GRID2: variants seen among roughly 807,000 people sequenced by gnomAD.
GRID2 encodes glutamate receptor ionotropic, delta-2.
Under a neutral mutation model 114.8 loss-of-function variants are expected in GRID2, and 33 were observed. The ratio of observed to expected loss-of-function variants is 0.29; its 90% CI spans 0.22 to 0.38. The LOEUF is 0.38. Among genes scored for constraint, GRID2 ranks in the 10% least tolerant of loss-of-function variants. The probability of loss-of-function intolerance (pLI) is 1.00; values close to 1 mark genes in which losing one functional copy is unlikely to be tolerated. For synonymous variants in GRID2, 505 were observed against 449.9 expected, an observed-to-expected ratio of 1.12 and a Z score of -1.55; for missense variants, 1,184 against 1,257.7, an observed-to-expected ratio of 0.94 and a Z score of 0.89.
chr4:93,249,221 A>G (rs1157702625), intron 8 of GRID2, among the ~76,000 whole-genome samples: 2 of 152,016 alleles, frequency 1.3e-5, no homozygotes, highest in South Asian at 2.1e-4. Flanking sequence ...GTTCTGTTCA[A>G]TTGGTCTATA....
intron 2 of GRID2, among the ~76,000 whole-genome samples, chr4:92,619,998 T>C (rs564497492): frequency 1.1e-4 from 16 of 151,786 alleles, no homozygotes; most frequent in Non-Finnish European, 2.2e-4. Context: ...ATAGGCAATA[T>C]ATGAAATTTA....
chr4:92,496,735 ATGT>A, intron 1 of GRID2, among the ~76,000 whole-genome samples: 1 of 151,838 alleles, frequency 6.6e-6, no homozygotes, highest in South Asian at 2.1e-4. Context: ...ATGAAAATGA[ATGT>A]TGTTAATACT....
intron 2 of GRID2, among the ~76,000 whole-genome samples, chr4:92,930,707 A>G (rs1353691062): frequency 1.3e-5 from 2 of 150,884 alleles, no homozygotes; most frequent in East Asian, 3.9e-4. Flanking sequence ...ATGTGTTGAA[A>G]GAAAAGTCCT....
At chr4:92,883,537 C>T (rs1483245204) in intron 2 of GRID2, among the ~76,000 whole-genome samples, 2 of 152,180 alleles carry the variant, frequency 1.3e-5, no homozygotes. Context: ...AGAGGAATCA[C>T]TGTCTATGGT....
chr4:93,006,886 AAAGT>A (rs1721593236), intron 2 of GRID2, among the ~76,000 whole-genome samples: 1 of 151,952 alleles, frequency 6.6e-6, no homozygotes, highest in African/African-American at 2.4e-5. Context: ...CTTCCTTCCA[AAAGT>A]AAGTAAAAAA....
chr4:92,364,676 GA>G (rs1486722164), intron 1 of GRID2, among the ~76,000 whole-genome samples: 1 of 151,970 alleles, frequency 6.6e-6, no homozygotes, highest in Non-Finnish European at 1.5e-5. Flanking sequence ...AGCAGAAGTA[GA>G]GAGTAGTTTT....
At chr4:93,342,196 C>T (rs1218212472) in intron 8 of GRID2, among the ~76,000 whole-genome samples, 1 of 152,178 alleles carries the variant, frequency 6.6e-6, no homozygotes, top group African/African-American at 2.4e-5. Context: ...CCATGTAAGT[C>T]CAACACCTAT....
At chr4:93,399,798 G>A (rs1765703838) in intron 9 of GRID2, among the ~76,000 whole-genome samples, 1 of 152,048 alleles carries the variant, frequency 6.6e-6, no homozygotes, top group Non-Finnish European at 1.5e-5. Flanking sequence ...CCAACCAGAA[G>A]TCAGAGGTTA....
At chr4:92,498,249 A>G (rs983200446) in intron 1 of GRID2, among the ~76,000 whole-genome samples, 1 of 151,908 alleles carries the variant, frequency 6.6e-6, no homozygotes, top group Admixed American at 6.6e-5. Flanking sequence ...TTCAAGAGTT[A>G]GCATTAGTAA....
intron 5 of GRID2, among the ~76,000 whole-genome samples, chr4:93,207,971 T>C (rs1418820441): frequency 6.6e-6 from 1 of 151,980 alleles, no homozygotes; most frequent in African/African-American, 2.4e-5. Context: ...CTTTTGATTT[T>C]TGCAAAGATA....
chr4:93,282,008 A>G (rs1031922617), intron 8 of GRID2, among the ~76,000 whole-genome samples: 2 of 152,032 alleles, frequency 1.3e-5, no homozygotes, highest in African/African-American at 4.8e-5. Context: ...AGAACAAAAT[A>G]TATTCTTGTA....
At chr4:92,861,352 A>G (rs1404484427) in intron 2 of GRID2, among the ~76,000 whole-genome samples, 1 of 152,142 alleles carries the variant, frequency 6.6e-6, no homozygotes, top group Admixed American at 6.5e-5. Flanking sequence ...TCATAGGAGT[A>G]AAATCTATCA....
intron 8 of GRID2, among the ~76,000 whole-genome samples, chr4:93,395,316 T>C (rs372239441): frequency 3.9e-5 from 6 of 152,002 alleles, no homozygotes; most frequent in African/African-American, 1.4e-4. Flanking sequence ...TTCCAATTAG[T>C]ACATTACTGG....
At chr4:92,831,087 G>T (rs550320487) in intron 2 of GRID2, among the ~76,000 whole-genome samples, 1 of 152,144 alleles carries the variant, frequency 6.6e-6, no homozygotes, top group South Asian at 2.1e-4. Flanking sequence ...GAAGGAGAGA[G>T]CCAGTTTTTA....
At chr4:92,606,833 C>T (rs1274194429) in intron 2 of GRID2, among the ~76,000 whole-genome samples, 1 of 152,022 alleles carries the variant, frequency 6.6e-6, no homozygotes, top group Non-Finnish European at 1.5e-5. Context: ...GAAAGTGTTA[C>T]ATCTTTGATT....
chr4:92,881,709 G>A (rs927429894), intron 2 of GRID2, among the ~76,000 whole-genome samples: 2 of 152,034 alleles, frequency 1.3e-5, no homozygotes, highest in African/African-American at 2.4e-5. Flanking sequence ...TACTTTTTAG[G>A]TATTGTTTTT....
intron 1 of GRID2, among the ~76,000 whole-genome samples, chr4:92,411,655 G>GTGTGTGTGTGTATATATATATATATA: frequency 8.3e-5 from 7 of 84,694 alleles, no homozygotes; most frequent in African/African-American, 2.9e-4. Context: ...GTGTGTGTGT[G>GTGTGTGTGTGTATATATATATATATA]TATATATATA....
chr4:93,045,497 T>C (rs1394969190), intron 2 of GRID2, among the ~76,000 whole-genome samples: 1 of 152,164 alleles, frequency 6.6e-6, no homozygotes, highest in African/African-American at 2.4e-5. Context: ...TTAGATATTA[T>C]AGAAGTTTTT....
At chr4:92,735,971 A>C (rs888944558) in intron 2 of GRID2, among the ~76,000 whole-genome samples, 1 of 152,112 alleles carries the variant, frequency 6.6e-6, no homozygotes, top group Non-Finnish European at 1.5e-5. Flanking sequence ...AGAAAGGTTC[A>C]CGTGGTAGAC....
Sources: allele counts gnomAD v4.1 joint callset (sites outside exome capture counted in the v4.1 genomes callset), GRCh38; gene constraint gnomAD v4.1.1; transcripts MANE v1.5; gene names NCBI Gene and HGNC (gene_info 2026-07-23, HGNC 2026-07-21).